CFAP57: variants seen among roughly 807,000 people sequenced by gnomAD.
CFAP57 encodes the protein cilia- and flagella-associated protein 57.
A neutral mutation model predicts 146.8 loss-of-function variants in CFAP57; 116 were observed. The ratio of observed to expected loss-of-function variants is 0.79; its 90% CI spans 0.68 to 0.92. The LOEUF (loss-of-function observed/expected upper bound fraction) is 0.92, where lower values mean the gene tolerates loss of function less well. Ranked by LOEUF, CFAP57 falls within the 40% of genes least tolerant of loss-of-function variation. CFAP57 has a pLI of 0.00. For synonymous variants in CFAP57, 518 were observed against 552.8 expected (o/e 0.94, Z 0.88); for missense variants, 1,377 against 1,527.2 (o/e 0.90, Z 1.64).
chr1:43,189,495 A>G (rs1643365248), intron 6 of CFAP57, among the ~76,000 whole-genome samples: 2 of 152,110 alleles, frequency 1.3e-5, no homozygotes, highest in Non-Finnish European at 2.9e-5. Context: ...TTTCTTCATG[A>G]TGCTATTGTA....
intron 22 of CFAP57, among the ~76,000 whole-genome samples, chr1:43,249,319 G>A (rs192294923): frequency 6.2e-4 from 93 of 149,484 alleles, no homozygotes; most frequent in African/African-American, 2.2e-3. Context: ...CCATTGACAT[G>A]TATTTGGTTT....
At chr1:43,236,590 TAAAAAAAA>T (rs764205138) in intron 21 of CFAP57, among the ~76,000 whole-genome samples, 184 of 41,812 alleles carry the variant, frequency 4.4e-3, no homozygotes, top group African/African-American at 0.019. Context: ...GAATAAGTGC[TAAAAAAAA>T]AAAAAAAAAA....
intron 10 of CFAP57, 83 bp downstream of exon 10, chr1:43,207,015 C>T (rs1401872678): frequency 7.1e-6 from 10 of 1,409,570 alleles, no homozygotes; most frequent in South Asian, 3.5e-5. Flanking sequence ...AAAGTATGCA[C>T]GGAATGAGGG....
chr1:43,222,214 T>C lies in CFAP57; in HGVS notation c.2451T>C (p.Asp817=). 1.3e-6 allele frequency: 2 copies of C among 1,538,168 alleles called. No individual in the cohort carries two copies. The highest frequency in any genetic ancestry group is 1.8e-6 in the Non-Finnish European group (2 of 1,140,338). Residue 817 remains aspartate, a synonymous_variant, in exon 15 of 23, where the codon GAT becomes GAC. Coordinates refer to ENST00000372492, the MANE Select transcript of CFAP57 (RefSeq NM_001378189.1). The part of the protein sequence containing the change: ...EEYEKQLRDN[D]ETKSQALEEL... Reference sequence around the variant, plus strand: ...ATGAAAAACAGCTCCGGGATAACGATGAGACCAAGAGCCAGGCCCTGGAGG... The same window carrying C: ...ATGAAAAACAGCTCCGGGATAACGACGAGACCAAGAGCCAGGCCCTGGAGG...
intron 11 of CFAP57, 141 bp from the exon 12 acceptor site, chr1:43,215,114 C>T: frequency 1.1e-6 from 1 of 896,010 alleles, no homozygotes; most frequent in South Asian, 1.6e-5. Context: ...GCTCCTCTCT[C>T]ATTCTTACCT....
chr1:43,173,808 G>C (rs1645069689), intron 2 of CFAP57, among the ~76,000 whole-genome samples: 1 of 152,162 alleles, frequency 6.6e-6, no homozygotes, highest in Admixed American at 6.5e-5. Context: ...TATTTGTGCA[G>C]ATTCTCTAGG....
At chr1:43,210,330 C>T in intron 11 of CFAP57, 1 of 1,396,378 alleles carries the variant, frequency 7.2e-7, no homozygotes, top group Non-Finnish European at 9.3e-7. Context: ...ACCCCAGGGG[C>T]AATACCATGA....
intron 5 of CFAP57, among the ~76,000 whole-genome samples, chr1:43,186,128 G>C (rs10890241): frequency 0.18 from 27,215 of 151,454 alleles, 3,549 homozygotes; most frequent in African/African-American, 0.35. Context: ...TGTAGTCCCA[G>C]TTACTTGAGA....
Position 43,222,845 on chromosome 1 carries a change from C to T in CFAP57, c.2554C>T (p.Gln852Ter), listed in dbSNP as rs1357532344. The T allele has an allele frequency of 8.4e-6, 13 of 1,545,910 alleles. No individual in the cohort carries two copies. In the East Asian group the frequency reaches 2.0e-4, roughly 23 times the overall value. Residue 852 changes from glutamine (Q) to a stop codon, truncating the protein, a stop_gained, in exon 16 of 23, where the codon CAG becomes TAG. Coordinates refer to ENST00000372492, the MANE Select transcript of CFAP57 (RefSeq NM_001378189.1). LOFTEE classifies it high-confidence loss of function. ...CCAGGCACAGGAAGACGTCAGGCAGCAGCTGCGGGAGTTTGAAGAGACCAA... is the reference window on the plus strand; with the variant it reads ...CCAGGCACAGGAAGACGTCAGGCAGTAGCTGCGGGAGTTTGAAGAGACCAA... ...LEEAQEDVRQ[Q>*]LREFEETKKQ...
chr1:43,181,704 T>A lies in CFAP57; in HGVS notation c.328T>A (p.Phe110Ile). 6.2e-7 allele frequency: 1 copy of A among 1,614,152 alleles called. No individual in the cohort carries two copies. Among genetic ancestry groups the A allele is most frequent in the South Asian group, 1.1e-5 (1 of 91,080 alleles). Reference protein sequence around the residue: ...LNNFDFQVQKFISMAFSPDSK... With the variant: ...LNNFDFQVQKIISMAFSPDSK... The stretch of plus-strand genomic sequence containing the variant: ...TAATTTTGACTTCCAAGTTCAGAAA[T>A]TTATTAGCATGGCTTTTTCTCCAGA... Residue 110 changes from phenylalanine (F) to isoleucine (I), a missense_variant, in exon 3 of 23, where the codon TTT (phenylalanine) becomes ATT (isoleucine). Coordinates refer to ENST00000372492, the MANE Select transcript of CFAP57 (RefSeq NM_001378189.1).
At chr1:43,173,912 C>T (rs1645072781) in intron 2 of CFAP57, among the ~76,000 whole-genome samples, 2 of 152,210 alleles carry the variant, frequency 1.3e-5, no homozygotes, top group Non-Finnish European at 1.5e-5. Flanking sequence ...CTCAGCAACC[C>T]TGCCAACCCT....
intron 13 of CFAP57, 132 bp from the exon 14 acceptor site, chr1:43,221,240 C>A: frequency 1.8e-6 from 1 of 554,728 alleles, no homozygotes; most frequent in Non-Finnish European, 3.2e-6. Context: ...CTTCATAGAA[C>A]AGTGCTTGGT....
At chr1:43,181,232 C>T (rs556703578) in intron 2 of CFAP57, among the ~76,000 whole-genome samples, 16 of 152,192 alleles carry the variant, frequency 1.1e-4, no homozygotes, top group Admixed American at 2.0e-4. Context: ...CCACCACACC[C>T]GGCTAATTTT....
intron 10 of CFAP57, among the ~76,000 whole-genome samples, chr1:43,207,266 T>TA (rs1644398548): frequency 6.6e-6 from 1 of 152,234 alleles, no homozygotes; most frequent in Admixed American, 6.5e-5. Context: ...GGTCTGCACT[T>TA]ACATTCCTGG....
intron 21 of CFAP57, 30 bp downstream of exon 21, chr1:43,234,668 GA>G: frequency 6.5e-7 from 1 of 1,533,444 alleles, no homozygotes; most frequent in South Asian, 1.2e-5. Context: ...AGCCCCTGTG[GA>G]GGCCAAGCCA....
intron 21 of CFAP57, among the ~76,000 whole-genome samples, chr1:43,235,643 C>T (rs1373759518): frequency 3.3e-5 from 5 of 152,156 alleles, no homozygotes; most frequent in Non-Finnish European, 7.4e-5. Context: ...CTTTGCCCTA[C>T]TCCTTGGCCA....
chr1:43,224,320 G>C (rs572843919), intron 17 of CFAP57, 116 bp downstream of exon 17: 1 of 1,216,700 alleles, frequency 8.2e-7, no homozygotes, highest in Non-Finnish European at 1.1e-6. Flanking sequence ...TTAACTTGAT[G>C]GGGGAACCAG....
intron 13 of CFAP57, among the ~76,000 whole-genome samples, chr1:43,220,802 TAAAA>T (rs34574500): frequency 6.7e-6 from 1 of 148,722 alleles, no homozygotes; most frequent in East Asian, 2.0e-4. Flanking sequence ...AAAGTTCGGC[TAAAA>T]AAAAAAAAGA....
At chr1:43,215,526 G>A in intron 12 of CFAP57, 110 bp downstream of exon 12, 1 of 1,316,224 alleles carries the variant, frequency 7.6e-7, no homozygotes, top group Admixed American at 2.5e-5. Flanking sequence ...TATGCCCAGT[G>A]CAGACCCCCA....
Sources: allele counts gnomAD v4.1 joint callset (sites outside exome capture counted in the v4.1 genomes callset), GRCh38; gene constraint gnomAD v4.1.1; transcripts MANE v1.5; gene names NCBI Gene and HGNC (gene_info 2026-07-23, HGNC 2026-07-21).